Variants in PINX1 observed in about 807,000 individuals in gnomAD.
PINX1 encodes PIN2/TERF1-interacting telomerase inhibitor 1.
A neutral mutation model predicts 25.4 loss-of-function variants in PINX1; 34 were observed. The ratio of observed to expected loss-of-function variants is 1.34; its 90% CI spans 1.02 to 1.78. The LOEUF (loss-of-function observed/expected upper bound fraction) is 1.78, where lower values mean the gene tolerates loss of function less well. Among genes scored for constraint, PINX1 ranks in the 40% most tolerant of loss-of-function variants. The probability of loss-of-function intolerance (pLI) is 0.00; values close to 1 mark genes in which losing one functional copy is unlikely to be tolerated. For synonymous variants in PINX1, 197 were observed against 147.7 expected (o/e 1.33, Z -2.42); for missense variants, 592 against 404.9 (o/e 1.46, Z -3.97).
intron 4 of PINX1, among the ~76,000 whole-genome samples, chr8:10,827,386 C>T (rs538576605): frequency 5.9e-5 from 9 of 152,122 alleles, no homozygotes; most frequent in Admixed American, 2.6e-4. Flanking sequence ...ACGCCTTTGA[C>T]GGAAGGGAAA....
At chr8:10,767,372 G>C (rs1801087247) in intron 6 of PINX1, among the ~76,000 whole-genome samples, 1 of 151,952 alleles carries the variant, frequency 6.6e-6, no homozygotes, top group South Asian at 2.1e-4. Context: ...GCCTTCAGTG[G>C]CAAGTGCCTC....
At chr8:10,774,749 A>T (rs11250074) in intron 6 of PINX1, among the ~76,000 whole-genome samples, 90,796 of 152,064 alleles carry the variant, frequency 0.6, 27,616 homozygotes, top group African/African-American at 0.67. Context: ...TATAAACTAC[A>T]TAAGGCTAAT....
rs78955151 is a variant in PINX1 at position 10,810,750 on chromosome 8, G to C, written c.471+9443C>G. Among the ~76,000 whole-genome samples, 452 of 152,314 alleles carry C rather than the reference G, an allele frequency of 3.0e-3. 3 individuals are homozygous for C. Among genetic ancestry groups the C allele is most frequent in the African/African-American group, 0.01 (426 of 41,566 alleles). ...TCCACCCAAAACTGCAGAGAACATG[G>C]TATTAGAAGGTCACTGCCTTAGTCA... is the stretch of plus-strand genomic sequence containing the variant. On this transcript the variant is annotated intron_variant, in intron 6 of 6. Transcript: ENST00000314787.
At chr8:10,789,718 T>A (rs144467960) in intron 6 of PINX1, among the ~76,000 whole-genome samples, 1 of 152,286 alleles carries the variant, frequency 6.6e-6, no homozygotes, top group Admixed American at 6.5e-5. Context: ...GTTTTTCAAG[T>A]TCAGTATTGT....
chr8:10,803,687 A>T (rs2129080482), intron 6 of PINX1, among the ~76,000 whole-genome samples: 2 of 152,370 alleles, frequency 1.3e-5, no homozygotes, highest in East Asian at 3.9e-4. Flanking sequence ...GTTCAGATTT[A>T]TACTGCATTA....
intron 4 of PINX1, among the ~76,000 whole-genome samples, chr8:10,831,086 T>A (rs1177785792): frequency 6.6e-6 from 1 of 152,178 alleles, no homozygotes; most frequent in Non-Finnish European, 1.5e-5. Flanking sequence ...ATGTGGTGCA[T>A]ACACACCACG....
At chr8:10,812,421 G>A (rs988558539) in intron 6 of PINX1, among the ~76,000 whole-genome samples, 1 of 152,202 alleles carries the variant, frequency 6.6e-6, no homozygotes, top group Non-Finnish European at 1.5e-5. Context: ...GGAAGGGCTT[G>A]AATGCATTTA....
At chr8:10,818,140 C>G in intron 6 of PINX1, among the ~76,000 whole-genome samples, 1 of 152,026 alleles carries the variant, frequency 6.6e-6, no homozygotes, top group Non-Finnish European at 1.5e-5. Flanking sequence ...CAGGTAGGAC[C>G]TAAATTTATC....
At position 10,783,896 on chromosome 8, in the gene PINX1, A is replaced by G. The variant is rs537302054; in HGVS notation, c.472-17980T>C. ...AAGCCTGATCCTAACATTTTAAGAC[A>G]CAGATGACTAGAAAGTAGGCTCTGT... On this transcript the variant is annotated intron_variant, in intron 6 of 6. Coordinates refer to ENST00000314787, the MANE Select transcript of PINX1 (RefSeq NM_017884.6). Among the ~76,000 whole-genome samples, 9 of 152,352 alleles carry G rather than the reference A, an allele frequency of 5.9e-5. No individual in the cohort carries two copies. In the East Asian group the frequency reaches 1.7e-3, roughly 29 times the overall value.
At chr8:10,832,293 T>C (rs548451564) in intron 3 of PINX1, among the ~76,000 whole-genome samples, 97 of 152,270 alleles carry the variant, frequency 6.4e-4, no homozygotes, top group African/African-American at 2.3e-3. Flanking sequence ...TATAAAAAAA[T>C]GAACCTGGCT....
rs572029774 is a variant in PINX1, at chr8:10,790,090, T to G, written c.472-24174A>C. ...ACAAGACACAGGTGGAGGCGCCGTC[T>G]GCACTCACTCTCAGGACTCAGGTTC... On this transcript the variant is annotated intron_variant, in intron 6 of 6. Transcript: ENST00000314787. 2.0e-5 allele frequency among the ~76,000 whole-genome samples: 3 copies of G among 152,254 alleles called. No individual in the cohort carries two copies. The East Asian group carries it at 5.8e-4, about 29-fold the overall frequency.
At chr8:10,813,107 C>A (rs1233343017) in intron 6 of PINX1, among the ~76,000 whole-genome samples, 3 of 152,160 alleles carry the variant, frequency 2.0e-5, no homozygotes, top group African/African-American at 7.2e-5. Flanking sequence ...GAAGTCATCA[C>A]TGTTGGGAAA....
chr8:10,787,566 A>C lies in PINX1; in HGVS notation c.472-21650T>G, dbSNP rs558364574. ...TGACATTAGTATTTTGAAAGAGTTT[A>C]CAATATTATTATCTTTCAGATTACA... On this transcript the variant is annotated intron_variant, in intron 6 of 6. Transcript: ENST00000314787. The C allele has an allele frequency of 5.9e-5, 14 of 237,198 alleles. No individual in the cohort carries two copies. In the South Asian group the frequency reaches 7.1e-4, roughly 12 times the overall value. 14.7% of individuals were successfully genotyped at this position (237,198 alleles called of 1,614,324 possible).
At chr8:10,816,117 G>A (rs949160703) in intron 6 of PINX1, among the ~76,000 whole-genome samples, 3 of 152,116 alleles carry the variant, frequency 2.0e-5, no homozygotes, top group Admixed American at 6.5e-5. Flanking sequence ...AGGCCTTGGT[G>A]GTAATGAAAT....
At chr8:10,821,798 G>A (rs560798251) in intron 5 of PINX1, 9 of 152,326 alleles carry the variant, frequency 5.9e-5, no homozygotes, top group Admixed American at 5.9e-4. Context: ...CTCTGGAATA[G>A]AGACACTCTA....
chr8:10,835,060 G>C (rs1197762146), intron 1 of PINX1, among the ~76,000 whole-genome samples: 1 of 152,164 alleles, frequency 6.6e-6, no homozygotes, highest in Non-Finnish European at 1.5e-5. Context: ...CTAGAGCTGG[G>C]CCTTCCATAC....
Position 10,765,102 on chromosome 8 carries a change from A to G in PINX1, c.*299T>C, listed in dbSNP as rs980373157. 2.7e-5 allele frequency: 10 copies of G among 366,664 alleles called. No individual in the cohort carries two copies. The highest frequency in any genetic ancestry group is 4.4e-5 in the Non-Finnish European group (9 of 203,032). The allele number at this position is 366,664 out of a possible 1,614,324, so 22.7% of individuals were successfully genotyped here. On this transcript the variant is annotated 3_prime_UTR_variant, in exon 7 of 7. Transcript: ENST00000314787. ...CGCACATGCACACACACGTGTGCACACTTACATGAATGCATGTATTTGTAA... is the reference window on the plus strand; with the variant it reads ...CGCACATGCACACACACGTGTGCACGCTTACATGAATGCATGTATTTGTAA...
At chr8:10,791,502 T>A (rs1801921769) in intron 6 of PINX1, among the ~76,000 whole-genome samples, 1 of 152,084 alleles carries the variant, frequency 6.6e-6, no homozygotes, top group Admixed American at 6.5e-5. Flanking sequence ...CCACCAACAA[T>A]CCACTTGTGG....
intron 3 of PINX1, 97 bp downstream of exon 3, chr8:10,832,795 A>G: frequency 1.5e-6 from 1 of 674,366 alleles, no homozygotes; most frequent in Non-Finnish European, 2.6e-6. Flanking sequence ...GAAGTGCTGC[A>G]CCAATGGTCA....
Sources: allele counts gnomAD v4.1 joint callset (sites outside exome capture counted in the v4.1 genomes callset), GRCh38; gene constraint gnomAD v4.1.1; transcripts MANE v1.5; gene names NCBI Gene and HGNC (gene_info 2026-07-23, HGNC 2026-07-21).